NSUN3: variants seen among roughly 807,000 people sequenced by gnomAD.
The protein encoded by NSUN3 is NOP2/Sun RNA methyltransferase 3, also known as tRNA (cytosine(34)-C(5))-methyltransferase, mitochondrial.
In NSUN3, 24 loss-of-function variants were observed where a neutral mutation model predicts 36.8. The observed-to-expected ratio is 0.65, with a 90% confidence interval of 0.47 to 0.92. NSUN3 has a LOEUF of 0.92. NSUN3 is among the 40% of genes least tolerant of loss of function. NSUN3 has a pLI of 0.00. For missense variants in NSUN3, 381 were observed against 392.8 expected (o/e 0.97, Z 0.25); for synonymous variants, 146 against 145.2 (o/e 1.01, Z -0.04).
chr3:94,097,363 CT>C (rs879329030), intron 5 of NSUN3, among the ~76,000 whole-genome samples: 413 of 142,720 alleles, frequency 2.9e-3, no homozygotes, highest in Middle Eastern at 3.7e-3. Context: ...GTTACATGGT[CT>C]TTTTTTTTTT....
intron 2 of NSUN3, 60 bp downstream of exon 2, chr3:94,064,606 T>C: frequency 9.5e-7 from 1 of 1,052,902 alleles, no homozygotes; most frequent in South Asian, 1.4e-5. Flanking sequence ...TAGTCCTCCT[T>C]TTTGTGGGAG....
intron 5 of NSUN3, among the ~76,000 whole-genome samples, chr3:94,108,077 T>A (rs2077398198): frequency 6.6e-6 from 1 of 150,542 alleles, no homozygotes; most frequent in African/African-American, 2.4e-5. Flanking sequence ...TACTCAGAAT[T>A]TTTTTTGATA....
intron 2 of NSUN3, among the ~76,000 whole-genome samples, chr3:94,067,106 A>G (rs2077207315): frequency 6.6e-6 from 1 of 152,140 alleles, no homozygotes; most frequent in Non-Finnish European, 1.5e-5. Context: ...AGGGCTTGTG[A>G]CTAAAAGCTG....
chr3:94,124,234 C>T (rs1241715195), intron 5 of NSUN3, among the ~76,000 whole-genome samples: 1 of 144,284 alleles, frequency 6.9e-6, no homozygotes, highest in African/African-American at 2.6e-5. Context: ...CTCACTGTAA[C>T]CTCTGCCTCC....
In NSUN3 at chr3:94,077,029, C is replaced by T. The variant is rs566629927; in HGVS notation, c.123-7078C>T. 237 of 830,028 alleles carry T rather than the reference C, an allele frequency of 2.9e-4. No homozygotes were observed. The African/African-American group carries it at 3.6e-3, about 13-fold the overall frequency. The allele number at this position is 830,028 out of a possible 1,614,324, so 51.4% of individuals were successfully genotyped here. A position where few individuals can be genotyped will look rare whatever the true frequency, so the allele number is the denominator to read the frequency against. On this transcript the variant is annotated intron_variant, in intron 2 of 5. Coordinates refer to ENST00000314622, the MANE Select transcript of NSUN3 (RefSeq NM_022072.5). ...TTCTGGTCTGGTTACACCTGGAAGC[C>T]ACTGGGCAGTTAGGCTGGGCCACTC...
intron 5 of NSUN3, among the ~76,000 whole-genome samples, chr3:94,100,241 TG>T (rs1490509507): frequency 6.6e-6 from 1 of 152,238 alleles, no homozygotes; most frequent in Non-Finnish European, 1.5e-5. Context: ...GTACATTGTC[TG>T]TTGACAGATA....
chr3:94,128,654 A>G lies in NSUN3; in HGVS notation c.*2164A>G, dbSNP rs2077498019. 3 of 151,638 alleles carry G rather than the reference A, an allele frequency of 2.0e-5. No homozygotes were observed. In the South Asian group the frequency reaches 6.2e-4, roughly 32 times the overall value. The allele number at this position is 151,638 out of a possible 1,614,324, so 9.4% of individuals were successfully genotyped here. A position where few individuals can be genotyped will look rare whatever the true frequency, so the allele number is the denominator to read the frequency against. On this transcript the variant is annotated 3_prime_UTR_variant, in exon 6 of 6. Coordinates refer to ENST00000314622, the MANE Select transcript of NSUN3 (RefSeq NM_022072.5). ...AAGCAGAAATTGACAAGCGGGACCT[A>G]ATTAAACTGAAGAGCTTCTGCACAG... is the stretch of plus-strand genomic sequence containing the variant.
intron 2 of NSUN3, among the ~76,000 whole-genome samples, chr3:94,070,438 G>A (rs941413192): frequency 4.6e-5 from 7 of 152,166 alleles, no homozygotes; most frequent in Non-Finnish European, 1.0e-4. Context: ...GCCAGCCTGG[G>A]TGACAGAGTG....
In NSUN3 at chr3:94,102,202, T is replaced by TAAAA. The variant is rs5850923; in HGVS notation, c.743+7068_743+7071dup. Among the ~76,000 whole-genome samples, 107 of 101,506 alleles carry TAAAA rather than the reference T, an allele frequency of 1.1e-3. 1 individual carries two copies. Among genetic ancestry groups the TAAAA allele is most frequent in the African/African-American group, 3.5e-3 (92 of 25,988 alleles). 66.6% of individuals were successfully genotyped at this position (101,506 alleles called of 152,430 possible). On this transcript the variant is annotated intron_variant, in intron 5 of 5. Transcript: ENST00000314622. ...AAGAATTGTGTTTTGAAAGAAACGT[T>TAAAA]AAAAAAAAAAAAAAAAAAAAAAACA... is the stretch of plus-strand genomic sequence containing the variant.
rs1448501148 is a variant in NSUN3, at chr3:94,067,847, T to C, written c.122+3301T>C. On this transcript the variant is annotated intron_variant, in intron 2 of 5. Transcript: ENST00000314622. ...TAACACTTTGAAGAGCCTTGAGAGT[T>C]TGTTGTACCCACTCTGTCATGCTGT... Among the ~76,000 whole-genome samples the C allele has an allele frequency of 5.3e-5, 8 of 152,034 alleles. No homozygotes were observed. In the East Asian group the frequency reaches 1.6e-3, roughly 29 times the overall value.
chr3:94,079,287 C>T (rs555539159), intron 2 of NSUN3, among the ~76,000 whole-genome samples: 3 of 152,248 alleles, frequency 2.0e-5, no homozygotes, highest in East Asian at 3.9e-4. Context: ...CAATTTCTGC[C>T]GAGAGATCCA....
chr3:94,063,076 T>C lies in NSUN3; in HGVS notation c.-51T>C. The C allele has an allele frequency of 6.2e-7, 1 of 1,612,988 alleles. No homozygotes were observed. The highest frequency in any genetic ancestry group is 1.3e-5 in the African/African-American group (1 of 75,026). Reference sequence around the variant, plus strand: ...TGTTTTTTTCAGTTCCCTGGAGGCTTTTTGATACTGATTCGCGTACACCTG... The same window carrying C: ...TGTTTTTTTCAGTTCCCTGGAGGCTCTTTGATACTGATTCGCGTACACCTG... On this transcript the variant is annotated 5_prime_UTR_variant, in exon 1 of 6. Coordinates refer to ENST00000314622, the MANE Select transcript of NSUN3 (RefSeq NM_022072.5).
Position 94,119,797 on chromosome 3 carries a change from G to A in NSUN3, c.744-6414G>A, listed in dbSNP as rs116682554. Among the ~76,000 whole-genome samples the A allele has an allele frequency of 2.6e-3, 391 of 152,358 alleles. 3 individuals carry two copies. Among genetic ancestry groups the A allele is most frequent in the African/African-American group, 8.7e-3 (362 of 41,592 alleles). Reference sequence around the variant, plus strand: ...AATGATATTTAAACAACATGCAGCAGTAGCAAAACAGCAAGACCATTTGAC... The same window carrying A: ...AATGATATTTAAACAACATGCAGCAATAGCAAAACAGCAAGACCATTTGAC... On this transcript the variant is annotated intron_variant, in intron 5 of 5. Transcript: ENST00000314622.
At chr3:94,071,284 G>A (rs949102273) in intron 2 of NSUN3, among the ~76,000 whole-genome samples, 11 of 152,132 alleles carry the variant, frequency 7.2e-5, no homozygotes, top group Non-Finnish European at 1.5e-4. Flanking sequence ...AACAAATTTA[G>A]TACATACACA....
rs60234250 is a variant in NSUN3 at position 94,116,985 on chromosome 3, C to CTTTTT, written c.744-9201_744-9197dup. ...TTTAAGCCAAGTGAATCTGCCACAA[C>CTTTTT]TTTTTTTTTTTTTTTTTTTTTTTTT... On this transcript the variant is annotated intron_variant, in intron 5 of 5. Coordinates refer to ENST00000314622, the MANE Select transcript of NSUN3 (RefSeq NM_022072.5). 6.3e-5 allele frequency among the ~76,000 whole-genome samples: 4 copies of CTTTTT among 63,958 alleles called. 1 individual carries two copies. The allele number at this position is 63,958 out of a possible 152,430, so 42.0% of individuals were successfully genotyped here. A position where few individuals can be genotyped will look rare whatever the true frequency, so the allele number is the denominator to read the frequency against.
chr3:94,065,575 G>A (rs1054295269), intron 2 of NSUN3, among the ~76,000 whole-genome samples: 4 of 152,106 alleles, frequency 2.6e-5, no homozygotes, highest in Non-Finnish European at 5.9e-5. Context: ...CCTTTACAAA[G>A]GGCAGTTCTG....
intron 5 of NSUN3, among the ~76,000 whole-genome samples, chr3:94,098,742 T>C (rs1430377876): frequency 6.6e-6 from 1 of 152,180 alleles, no homozygotes. Flanking sequence ...TTGAGAGTTA[T>C]TCTAATTTAC....
In NSUN3 at chr3:94,112,444, GGAGA is replaced by G. The variant is rs564404566; in HGVS notation, c.744-13762_744-13759del. Reference sequence around the variant, plus strand: ...AAGACAGTTTTTCTTCTAATATAACGGAGAGAGAAAGAGACTCAAAATAATAGGG... The same window carrying G: ...AAGACAGTTTTTCTTCTAATATAACGGAGAAAGAGACTCAAAATAATAGGG... On this transcript the variant is annotated intron_variant, in intron 5 of 5. Coordinates refer to ENST00000314622, the MANE Select transcript of NSUN3 (RefSeq NM_022072.5). 4.6e-5 allele frequency among the ~76,000 whole-genome samples: 7 copies of G among 152,060 alleles called. 1 individual carries two copies. In the South Asian group the frequency reaches 1.0e-3, roughly 23 times the overall value.
chr3:94,082,404 G>A (rs551604572), intron 2 of NSUN3, among the ~76,000 whole-genome samples: 12 of 152,142 alleles, frequency 7.9e-5, no homozygotes, highest in African/African-American at 2.4e-4. Context: ...TTAAGTTTGC[G>A]AACCTCTTTC....
Sources: gnomAD v4.1 joint callset for allele counts (sites outside exome capture counted in the v4.1 genomes callset) on GRCh38, gnomAD v4.1.1 for gene constraint, MANE v1.5 for transcripts, NCBI Gene and HGNC (gene_info 2026-07-23, HGNC 2026-07-21) for gene names.